The following GATA4 variants were observed in gnomAD, a reference collection of about 807,000 sequenced individuals.
GATA4 encodes the protein GATA binding protein 4, also known as transcription factor GATA-4.
GATA4 carries 7 observed loss-of-function variants against 37.9 expected under a neutral mutation model. The ratio of observed to expected loss-of-function variants is 0.18; its 90% confidence interval spans 0.11 to 0.35. The LOEUF is 0.35. Among genes scored for constraint, GATA4 ranks in the 10% least tolerant of loss-of-function variants. The pLI is 1.00. For synonymous variants in GATA4, 372 were observed against 292.6 expected (o/e 1.27, Z -2.77); for missense variants, 647 against 653.0 (o/e 0.99, Z 0.10).
chr8:11,719,899 TTAAAAC>T (rs1800593651), intron 2 of GATA4, among the ~76,000 whole-genome samples: 1 of 152,218 alleles, frequency 6.6e-6, no homozygotes, highest in East Asian at 1.9e-4. Context: ...TATAGCCACT[TTAAAAC>T]TAAAGCATAT....
chr8:11,751,696 T>A (rs1410250737), intron 4 of GATA4, among the ~76,000 whole-genome samples: 1 of 152,116 alleles, frequency 6.6e-6, no homozygotes, highest in Non-Finnish European at 1.5e-5. Flanking sequence ...CAGATAGCCA[T>A]GAAACATGTG....
intron 1 of GATA4, among the ~76,000 whole-genome samples, chr8:11,694,072 G>A (rs2129992096): frequency 6.6e-6 from 1 of 152,256 alleles, no homozygotes; most frequent in Non-Finnish European, 1.5e-5. Context: ...GGTGCCGTGG[G>A]TCCCCCTTCC....
At chr8:11,692,329 G>C (rs1799339523), upstream of GATA4, among the ~76,000 whole-genome samples, 1 of 152,214 alleles carries the variant, frequency 6.6e-6, no homozygotes, top group Non-Finnish European at 1.5e-5. Flanking sequence ...AAGAACACTT[G>C]CTCCATGAGA....
At chr8:11,725,041 C>G (rs753708818) in intron 2 of GATA4, among the ~76,000 whole-genome samples, 17 of 152,232 alleles carry the variant, frequency 1.1e-4, no homozygotes, top group Non-Finnish European at 2.2e-4. Context: ...GGGTGGCCTT[C>G]ACGTTTGCTT....
chr8:11,714,099 G>A (rs1332835412), intron 2 of GATA4, among the ~76,000 whole-genome samples: 2 of 152,150 alleles, frequency 1.3e-5, no homozygotes, highest in Non-Finnish European at 2.9e-5. Context: ...ATGCCTTGAC[G>A]GATATATGGT....
rs1799922782 is a variant in GATA4, at chr8:11,707,148, T to C, written c.-457-708T>C. Among the ~76,000 whole-genome samples, 1 of 152,172 alleles carries C rather than the reference T, an allele frequency of 6.6e-6. No individual in the cohort carries two copies. Among genetic ancestry groups the C allele is most frequent in the African/African-American group, 2.4e-5 (1 of 41,438 alleles). On this transcript the variant is annotated intron_variant, in intron 1 of 6. Coordinates refer to ENST00000532059, the MANE Select transcript of GATA4 (RefSeq NM_001308093.3). The surrounding 1 kb of genome is among the most constrained non-coding windows in gnomAD (Gnocchi z 4.7). ...TGTACATTCTTCTCACTTTTCTGGT[T>C]CTGATATACAATTTGCAAAACGTCT...
chr8:11,691,518 G>A (rs1162358479), upstream of GATA4, among the ~76,000 whole-genome samples: 1 of 152,184 alleles, frequency 6.6e-6, no homozygotes, highest in Non-Finnish European at 1.5e-5. Flanking sequence ...GTCCAGGCTG[G>A]ATTTCGAGAG....
rs532292951 is a variant in GATA4, at chr8:11,707,026, G to A, written c.-457-830G>A. On this transcript the variant is annotated intron_variant, in intron 1 of 6. Coordinates refer to ENST00000532059, the MANE Select transcript of GATA4 (RefSeq NM_001308093.3). This position sits in a 1 kb window ranked among gnomAD's most constrained non-coding sequence, Gnocchi z 4.7. ...GCTCTTTCCCCAAGCACCCACCTTG[G>A]TGTTATGATTCTGCTTATGGGTGGA... Among the ~76,000 whole-genome samples the A allele has an allele frequency of 6.6e-6, 1 of 152,194 alleles. No individual in the cohort carries two copies. Among genetic ancestry groups the A allele is most frequent in the East Asian group, 1.9e-4 (1 of 5,200 alleles).
Position 11,708,827 on chromosome 8 carries a change from C to A in GATA4, c.515C>A (p.Ser172Tyr). The A allele has an allele frequency of 6.7e-7, 1 of 1,494,284 alleles. No homozygotes were observed. The highest frequency in any genetic ancestry group is 8.9e-7 in the Non-Finnish European group (1 of 1,129,638). The allele number at this position is 1,494,284 out of a possible 1,614,324, so 92.6% of individuals were successfully genotyped here. Residue 172 changes from serine (S) to tyrosine (Y), a missense_variant, in exon 2 of 7, where the codon TCC (serine) becomes TAC (tyrosine). Around this residue, in one of 5 missense-constraint regions of GATA4, gnomAD observed 379 missense variants for 334.5 expected, o/e 1.13. Coordinates refer to ENST00000532059, the MANE Select transcript of GATA4 (RefSeq NM_001308093.3). The surrounding 1 kb of genome is among the most constrained non-coding windows in gnomAD (Gnocchi z 6.7). ...GCTTACATGGCCGACGTGGGCGCGT[C>A]CTGGGCCGCAGCCGCCGCCGCCTCC... ...YPAYMADVGA[S>Y]WAAAAAASAG...
intron 2 of GATA4, among the ~76,000 whole-genome samples, chr8:11,728,754 T>C (rs1344568008): frequency 6.6e-6 from 1 of 152,212 alleles, no homozygotes; most frequent in African/African-American, 2.4e-5. Flanking sequence ...CACAGGAGGC[T>C]GCCAAGTTGA....
chr8:11,718,759 C>T (rs1439794928), intron 2 of GATA4, among the ~76,000 whole-genome samples: 1 of 152,246 alleles, frequency 6.6e-6, no homozygotes, highest in African/African-American at 2.4e-5. Context: ...TCCATTTCTA[C>T]TTCTAGAAAT....
chr8:11,708,196 C>A lies in GATA4; in HGVS notation c.-117C>A. On this transcript the variant is annotated 5_prime_UTR_variant, in exon 2 of 7. Transcript: ENST00000532059. The surrounding 1 kb of genome is among the most constrained non-coding windows in gnomAD (Gnocchi z 6.7). The stretch of plus-strand genomic sequence containing the variant: ...GGTTTTTTCCCCTTTGATTTTTGAT[C>A]TTCGCGACAGTTCCTCCCACGCATA... 14 of 1,195,344 alleles carry A rather than the reference C, an allele frequency of 1.2e-5. No homozygotes were observed. The South Asian group carries it at 1.4e-4, about 12-fold the overall frequency. 74.0% of individuals were successfully genotyped at this position (1,195,344 alleles called of 1,614,324 possible). A position where few individuals can be genotyped will look rare whatever the true frequency, so the allele number is the denominator to read the frequency against.
At chr8:11,726,287 TG>T (rs1800920026) in intron 2 of GATA4, among the ~76,000 whole-genome samples, 1 of 152,210 alleles carries the variant, frequency 6.6e-6, no homozygotes, top group Non-Finnish European at 1.5e-5. Flanking sequence ...TGTGGATCCC[TG>T]GCCAGTTTTA....
rs1486297168 is a variant in GATA4, at chr8:11,697,568, C to G, written c.-728-2940C>G. ...ACTTTCCCCTCCACCGCCAGGGAAG[C>G]CTGGTCTGTCTGAAGGGGTCCTCGC... On this transcript the variant is annotated intron_variant, in intron 1 of 2. Coordinates refer to the GATA4 transcript ENST00000526974. 8.1e-6 allele frequency: 8 copies of G among 985,312 alleles called. No homozygotes were observed. In the East Asian group the frequency reaches 7.9e-4, roughly 98 times the overall value. The allele number at this position is 985,312 out of a possible 1,614,324, so 61.0% of individuals were successfully genotyped here.
intron 2 of GATA4, among the ~76,000 whole-genome samples, chr8:11,743,817 A>G (rs950269885): frequency 6.6e-6 from 1 of 152,174 alleles, no homozygotes; most frequent in Non-Finnish European, 1.5e-5. Flanking sequence ...CAGCTTGTTT[A>G]ATTGATAGGA....
chr8:11,708,853 G>C lies in GATA4; in HGVS notation c.541G>C (p.Ala181Pro). 6.7e-7 allele frequency: 1 copy of C among 1,503,046 alleles called. No individual in the cohort carries two copies. Among genetic ancestry groups the C allele is most frequent in the South Asian group, 1.2e-5 (1 of 81,020 alleles). 93.1% of individuals were successfully genotyped at this position (1,503,046 alleles called of 1,614,324 possible). A position where few individuals can be genotyped will look rare whatever the true frequency, so the allele number is the denominator to read the frequency against. Residue 181 changes from alanine to proline, a missense_variant, in exon 2 of 7, where the codon GCC becomes CCC. By Grantham distance (27) the Ala-to-Pro change is conservative (BLOSUM62 -1). Transcript: ENST00000532059. This position sits in a 1 kb window ranked among gnomAD's most constrained non-coding sequence, Gnocchi z 6.7. ...ASWAAAAAAS[A>P]GPFDSPVLHS... ...CTGGGCCGCAGCCGCCGCCGCCTCC[G>C]CCGGCCCCTTCGACAGCCCGGTCCT...
rs1182566703 is a variant in GATA4, at chr8:11,708,666, G to GGCC, written c.366_368dup (p.Ala126dup). 1.0e-5 allele frequency: 13 copies of GGCC among 1,293,176 alleles called. No homozygotes were observed. The highest frequency in any genetic ancestry group is 6.5e-5 in the East Asian group (2 of 30,920). 80.1% of individuals were successfully genotyped at this position (1,293,176 alleles called of 1,614,324 possible). On this transcript the variant is annotated inframe_insertion, in exon 2 of 7. Coordinates refer to ENST00000532059, the MANE Select transcript of GATA4 (RefSeq NM_001308093.3). The surrounding 1 kb of genome is among the most constrained non-coding windows in gnomAD (Gnocchi z 6.7). ...TCCCGGGGACCACCGGGTCCCTGGC[G>GGCC]GCCGCCGCCGCCGCTGCCGCGGCCC...
At chr8:11,701,634 C>T (rs1388215221), upstream of GATA4, among the ~76,000 whole-genome samples, 1 of 152,160 alleles carries the variant, frequency 6.6e-6, no homozygotes, top group African/African-American at 2.4e-5. Context: ...GAAACACCCC[C>T]AAAAAAGCAG....
intron 2 of GATA4, among the ~76,000 whole-genome samples, chr8:11,727,614 A>G (rs1800993457): frequency 6.6e-6 from 1 of 152,068 alleles, no homozygotes; most frequent in African/African-American, 2.4e-5. Flanking sequence ...AGGCTGAGGC[A>G]GGCAGATCGC....
Sources: allele counts gnomAD v4.1 joint callset (sites outside exome capture counted in the v4.1 genomes callset), GRCh38; gene constraint gnomAD v4.1.1; regional missense constraint gnomAD v4.1.1; non-coding constraint Gnocchi (gnomAD v3.1); transcripts MANE v1.5; gene names NCBI Gene and HGNC (gene_info 2026-07-23, HGNC 2026-07-21).